The following SGCZ variants were observed in gnomAD, a reference collection of about 807,000 sequenced individuals.
SGCZ encodes the protein zeta-sarcoglycan.
Under a neutral mutation model 41.3 loss-of-function variants are expected in SGCZ, and 40 were observed. The observed-to-expected ratio is 0.97, with a 90% confidence interval of 0.75 to 1.26. SGCZ has a LOEUF of 1.26. SGCZ is among the 50% of genes most tolerant of loss of function. The pLI is 0.00. For synonymous variants in SGCZ, 206 were observed against 137.5 expected, an observed-to-expected ratio of 1.50 and a Z score of -3.49; for missense variants, 552 against 369.8, an observed-to-expected ratio of 1.49 and a Z score of -4.04.
At chr8:14,309,743 G>T (rs1246998743) in intron 3 of SGCZ, 3 of 1,595,692 alleles carry the variant, frequency 1.9e-6, no homozygotes, top group Non-Finnish European at 2.6e-6. Flanking sequence ...CTGAACCAAA[G>T]CCTCTTCAAA....
chr8:14,988,379 A>T (rs1801898327), intron 1 of SGCZ, among the ~76,000 whole-genome samples: 1 of 152,060 alleles, frequency 6.6e-6, no homozygotes, highest in South Asian at 2.1e-4. Context: ...TTTAAAGTCA[A>T]TGGAGATTAC....
At chr8:15,072,178 C>G (rs865861825) in intron 1 of SGCZ, among the ~76,000 whole-genome samples, 3 of 152,080 alleles carry the variant, frequency 2.0e-5, no homozygotes, top group African/African-American at 7.2e-5. Flanking sequence ...GCACATGTCT[C>G]GTCCCCAGTA....
intron 2 of SGCZ, among the ~76,000 whole-genome samples, chr8:14,479,330 G>A (rs1434512349): frequency 3.3e-5 from 5 of 152,260 alleles, no homozygotes; most frequent in Middle Eastern, 6.8e-3. Context: ...AAAAATAGAG[G>A]CCCGGAGACT....
At chr8:14,297,635 G>A (rs935453834) in intron 3 of SGCZ, among the ~76,000 whole-genome samples, 1 of 151,790 alleles carries the variant, frequency 6.6e-6, no homozygotes, top group Non-Finnish European at 1.5e-5. Flanking sequence ...GTACATAAAT[G>A]AATCAAATTA....
At chr8:15,069,498 T>C (rs893835801) in intron 1 of SGCZ, among the ~76,000 whole-genome samples, 1 of 152,234 alleles carries the variant, frequency 6.6e-6, no homozygotes, top group Non-Finnish European at 1.5e-5. Flanking sequence ...CTTTCATTTT[T>C]TTCCTGATTT....
chr8:14,611,578 T>C (rs1224888178), intron 1 of SGCZ, among the ~76,000 whole-genome samples: 1 of 152,154 alleles, frequency 6.6e-6, no homozygotes, highest in Non-Finnish European at 1.5e-5. Flanking sequence ...ATTTTGTCCT[T>C]TGCTGGAAAA....
intron 1 of SGCZ, among the ~76,000 whole-genome samples, chr8:15,074,531 C>T (rs1805462864): frequency 6.6e-6 from 1 of 152,108 alleles, no homozygotes. Context: ...TTTCCACATT[C>T]CCGGATGTAT....
At chr8:14,230,623 C>A (rs1227380744) in intron 4 of SGCZ, among the ~76,000 whole-genome samples, 1 of 152,056 alleles carries the variant, frequency 6.6e-6, no homozygotes. Context: ...AAAATACTCT[C>A]CATGACATTT....
At chr8:14,538,506 G>A (rs1264885677) in intron 2 of SGCZ, among the ~76,000 whole-genome samples, 1 of 151,912 alleles carries the variant, frequency 6.6e-6, no homozygotes, top group African/African-American at 2.4e-5. Context: ...CTCTTCTAGG[G>A]TTTCTGTGGT....
intron 1 of SGCZ, among the ~76,000 whole-genome samples, chr8:14,572,361 A>G (rs1804580631): frequency 6.6e-6 from 1 of 152,188 alleles, no homozygotes; most frequent in Non-Finnish European, 1.5e-5. Context: ...CTTAACACTG[A>G]CTAATCCTTC....
At chr8:14,583,036 G>T (rs1461715886) in intron 1 of SGCZ, among the ~76,000 whole-genome samples, 3 of 150,760 alleles carry the variant, frequency 2.0e-5, no homozygotes, top group Admixed American at 6.6e-5. Flanking sequence ...TAATGGGATG[G>T]CTGGGTCAAA....
intron 2 of SGCZ, among the ~76,000 whole-genome samples, chr8:14,335,297 G>C (rs1206514005): frequency 1.3e-5 from 2 of 152,068 alleles, no homozygotes; most frequent in Non-Finnish European, 2.9e-5. Context: ...AATGCAATGG[G>C]TCATCTCTCA....
intron 3 of SGCZ, among the ~76,000 whole-genome samples, chr8:14,312,589 C>T (rs1801584575): frequency 6.6e-6 from 1 of 151,860 alleles, no homozygotes; most frequent in Non-Finnish European, 1.5e-5. Flanking sequence ...TGTGAATAGC[C>T]ACTGCACTCT....
intron 2 of SGCZ, among the ~76,000 whole-genome samples, chr8:14,351,505 T>C (rs973122370): frequency 4.6e-5 from 7 of 151,700 alleles, no homozygotes; most frequent in Non-Finnish European, 1.0e-4. Flanking sequence ...TACCCAGTGT[T>C]TGAATACCTT....
intron 1 of SGCZ, among the ~76,000 whole-genome samples, chr8:14,911,187 G>A (rs1028077512): frequency 1.1e-4 from 16 of 152,000 alleles, no homozygotes; most frequent in South Asian, 4.1e-4. Context: ...CTGTGGCAGG[G>A]CTGTAATTCA....
chr8:14,280,511 G>C (rs992480176), intron 3 of SGCZ, among the ~76,000 whole-genome samples: 6 of 151,778 alleles, frequency 4.0e-5, no homozygotes, highest in African/African-American at 1.4e-4. Context: ...ATATCCATAT[G>C]AAATATGACT....
chr8:14,175,955 A>T (rs1254699821), intron 4 of SGCZ, among the ~76,000 whole-genome samples: 1 of 152,196 alleles, frequency 6.6e-6, no homozygotes, highest in Non-Finnish European at 1.5e-5. Flanking sequence ...TAATATATCT[A>T]TTAGGTGTTA....
intron 1 of SGCZ, among the ~76,000 whole-genome samples, chr8:14,937,678 G>T (rs1396735884): frequency 6.6e-6 from 1 of 152,034 alleles, no homozygotes; most frequent in East Asian, 1.9e-4. Flanking sequence ...AAATAACAAT[G>T]AATTGTGTTG....
chr8:14,778,580 A>G (rs1488145874), intron 1 of SGCZ, among the ~76,000 whole-genome samples: 1 of 152,186 alleles, frequency 6.6e-6, no homozygotes, highest in East Asian at 1.9e-4. Flanking sequence ...ATGTATGTGG[A>G]TGACAAGAAA....
Sources: gnomAD v4.1 joint callset for allele counts (sites outside exome capture counted in the v4.1 genomes callset) on GRCh38, gnomAD v4.1.1 for gene constraint, MANE v1.5 for transcripts, NCBI Gene and HGNC (gene_info 2026-07-23, HGNC 2026-07-21) for gene names.